Variants in TENT4B observed in about 807,000 individuals in gnomAD.
The protein encoded by TENT4B is terminal nucleotidyltransferase 4B, also known as PAP associated domain containing 5.
TENT4B carries 10 observed loss-of-function variants against 75.0 expected under a neutral mutation model. The ratio of observed to expected loss-of-function variants is 0.13; its 90% CI spans 0.08 to 0.23. The LOEUF (loss-of-function observed/expected upper bound fraction) is 0.23, where lower values mean the gene tolerates loss of function less well. TENT4B is among the 10% of genes least tolerant of loss of function. The pLI is 1.00. For missense variants in TENT4B, 579 were observed against 893.8 expected (o/e 0.65, Z 4.49); for synonymous variants, 350 against 357.7 (o/e 0.98, Z 0.24).
In TENT4B at chr16:50,233,098, C is replaced by CT. The variant is rs1167257705; in HGVS notation, c.*3771dup. 9 of 983,470 alleles carry CT rather than the reference C, an allele frequency of 9.2e-6. No homozygotes were observed. Among genetic ancestry groups the CT allele is most frequent in the African/African-American group, 8.7e-5 (5 of 57,162 alleles). The allele number at this position is 983,470 out of a possible 1,614,324, so 60.9% of individuals were successfully genotyped here. A position where few individuals can be genotyped will look rare whatever the true frequency, so the allele number is the denominator to read the frequency against. ...TGAGCAAAATATTCTATAAATGCGT[C>CT]TAACAAACCTAATTGAATATAAAAG... On this transcript the variant is annotated 3_prime_UTR_variant, in exon 12 of 12. Coordinates refer to ENST00000561678, the MANE Select transcript of TENT4B (RefSeq NM_001365324.3).
chr16:50,194,087 G>A (rs772252889), intron 1 of TENT4B, among the ~76,000 whole-genome samples: 1 of 151,944 alleles, frequency 6.6e-6, no homozygotes, highest in African/African-American at 2.4e-5. Flanking sequence ...CCTAATATTT[G>A]GTGTGTTCAA....
rs2032392327 is a variant in TENT4B, at chr16:50,234,626, C to T, written c.*5298C>T. 6.1e-6 allele frequency: 6 copies of T among 985,062 alleles called. No homozygotes were observed. The highest frequency in any genetic ancestry group is 1.7e-5 in the African/African-American group (1 of 57,228). 61.0% of individuals were successfully genotyped at this position (985,062 alleles called of 1,614,324 possible). On this transcript the variant is annotated 3_prime_UTR_variant, in exon 12 of 12. Coordinates refer to ENST00000561678, the MANE Select transcript of TENT4B (RefSeq NM_001365324.3). ...TCTGATTTTTGCATATTGAAACTTACAGAAGTCACTTTAAAAAAGTCTTTT... is the reference window on the plus strand; with the variant it reads ...TCTGATTTTTGCATATTGAAACTTATAGAAGTCACTTTAAAAAAGTCTTTT...
intron 1 of TENT4B, among the ~76,000 whole-genome samples, chr16:50,154,903 C>T (rs2037861006): frequency 6.6e-6 from 1 of 152,052 alleles, no homozygotes; most frequent in Non-Finnish European, 1.5e-5. Flanking sequence ...CAGAGGGTGG[C>T]GTGGGATGGG....
At chr16:50,216,325 C>T in intron 4 of TENT4B, 130 bp downstream of exon 4, 2 of 1,230,954 alleles carry the variant, frequency 1.6e-6, no homozygotes, top group South Asian at 1.5e-5. Flanking sequence ...TGTCACCGTG[C>T]TTGCACATAA....
At chr16:50,169,721 G>A (rs528782210) in intron 1 of TENT4B, among the ~76,000 whole-genome samples, 4 of 152,312 alleles carry the variant, frequency 2.6e-5, no homozygotes, top group African/African-American at 9.6e-5. Flanking sequence ...CCCAGGCAAA[G>A]AGAAGCAAGG....
chr16:50,182,393 A>G (rs2150697414), intron 1 of TENT4B, among the ~76,000 whole-genome samples: 1 of 152,318 alleles, frequency 6.6e-6, no homozygotes, highest in South Asian at 2.1e-4. Context: ...GTTCAACTTG[A>G]CTAAAATATT....
At chr16:50,153,214 GCC>G, upstream of TENT4B, among the ~76,000 whole-genome samples, 1 of 139,778 alleles carries the variant, frequency 7.2e-6, no homozygotes, top group Non-Finnish European at 1.6e-5. Flanking sequence ...GAGGGGCGGA[GCC>G]GGCAGAGGCC....
At chr16:50,210,103 G>A (rs533945516) in intron 1 of TENT4B, among the ~76,000 whole-genome samples, 2 of 152,002 alleles carry the variant, frequency 1.3e-5, no homozygotes. Context: ...CTGTTGCTCC[G>A]AGCCTTCTGG....
rs1275542466 is a variant in TENT4B at position 50,216,203 on chromosome 16, C to G, written c.930+8C>G. 1 of 1,613,862 alleles carries G rather than the reference C, an allele frequency of 6.2e-7. No individual in the cohort carries two copies. The highest frequency in any genetic ancestry group is 8.5e-7 in the Non-Finnish European group (1 of 1,179,792). Reference sequence around the variant, plus strand: ...GTTTTAGACAAAGCAACTGTAAGTTCTGCAGCATTTCATATTAAAATCCTT... The same window carrying G: ...GTTTTAGACAAAGCAACTGTAAGTTGTGCAGCATTTCATATTAAAATCCTT... On this transcript the variant is annotated splice_region_variant and intron_variant, in intron 4 of 11. Transcript: ENST00000561678.
chr16:50,170,818 C>T (rs2038192530), intron 1 of TENT4B, among the ~76,000 whole-genome samples: 1 of 152,088 alleles, frequency 6.6e-6, no homozygotes. Context: ...AGGTGCGGGC[C>T]ATCATGCCTG....
intron 1 of TENT4B, 66 bp downstream of exon 1, chr16:50,154,325 A>C (rs1319551207): frequency 7.2e-7 from 1 of 1,381,388 alleles, no homozygotes; most frequent in East Asian, 2.9e-5. Context: ...ACACGCCCAC[A>C]GAGGGGGGTT....
intron 1 of TENT4B, among the ~76,000 whole-genome samples, chr16:50,155,059 G>A (rs769083006): frequency 4.2e-4 from 64 of 152,104 alleles, no homozygotes; most frequent in Non-Finnish European, 8.8e-4. Flanking sequence ...ATTCTAGGGG[G>A]TAGAGATTTA....
chr16:50,190,259 T>C (rs1157265445), intron 1 of TENT4B, among the ~76,000 whole-genome samples: 1 of 152,018 alleles, frequency 6.6e-6, no homozygotes, highest in African/African-American at 2.4e-5. Flanking sequence ...CTACTTGAGC[T>C]GTTGGATTTT....
intron 4 of TENT4B, among the ~76,000 whole-genome samples, chr16:50,216,876 C>T (rs963207463): frequency 6.6e-6 from 1 of 152,032 alleles, no homozygotes; most frequent in African/African-American, 2.4e-5. Context: ...CAAGTTAGGC[C>T]ATTTTTTGAA....
intron 1 of TENT4B, among the ~76,000 whole-genome samples, chr16:50,179,363 A>G (rs2038368774): frequency 6.6e-6 from 1 of 152,230 alleles, no homozygotes; most frequent in African/African-American, 2.4e-5. Context: ...CTCCGTCTCA[A>G]AAGAAAATTT....
At position 50,153,498 on chromosome 16, in the gene TENT4B, AGCAGCAGCAGCGGCAGCAGCG is replaced by A. The variant is rs1416496386; in HGVS notation, c.-112_-92del. 7.0e-5 allele frequency: 68 copies of A among 974,638 alleles called. No homozygotes were observed. In the African/African-American group the frequency reaches 8.3e-4, roughly 12 times the overall value. The allele number at this position is 974,638 out of a possible 1,614,324, so 60.4% of individuals were successfully genotyped here. A position where few individuals can be genotyped will look rare whatever the true frequency, so the allele number is the denominator to read the frequency against. ...CCCGCGGCGGGCCCCGAGCAGCAGCAGCAGCAGCAGCGGCAGCAGCGGCAGCAGCAGCAGCAGCCGAGGCCG... is the reference window on the plus strand; with the variant it reads ...CCCGCGGCGGGCCCCGAGCAGCAGCAGCAGCAGCAGCAGCAGCCGAGGCCG... On this transcript the variant is annotated 5_prime_UTR_variant, in exon 1 of 12. Transcript: ENST00000561678.
intron 1 of TENT4B, among the ~76,000 whole-genome samples, chr16:50,155,770 G>A (rs1250737297): frequency 6.6e-6 from 1 of 152,132 alleles, no homozygotes; most frequent in Non-Finnish European, 1.5e-5. Flanking sequence ...AAGTCTACGC[G>A]TAAACCTGTG....
intron 1 of TENT4B, among the ~76,000 whole-genome samples, chr16:50,196,707 C>T (rs553530368): frequency 4.0e-5 from 6 of 151,266 alleles, no homozygotes; most frequent in Admixed American, 2.6e-4. Flanking sequence ...GCGGGCAGAT[C>T]GCTTGAGCCA....
chr16:50,215,344 C>T (rs1044723763), intron 3 of TENT4B, among the ~76,000 whole-genome samples: 5 of 152,214 alleles, frequency 3.3e-5, no homozygotes, highest in South Asian at 2.1e-4. Context: ...TGGCAATTTC[C>T]GTTCTTCTCA....
Sources: gnomAD v4.1 joint callset for allele counts (sites outside exome capture counted in the v4.1 genomes callset) on GRCh38, gnomAD v4.1.1 for gene constraint, MANE v1.5 for transcripts, NCBI Gene and HGNC (gene_info 2026-07-23, HGNC 2026-07-21) for gene names.